P4HA1: variants seen among roughly 807,000 people sequenced by gnomAD.
P4HA1 encodes the protein prolyl 4-hydroxylase subunit alpha-1.
A neutral mutation model predicts 72.8 loss-of-function variants in P4HA1; 24 were observed. The ratio of observed to expected loss-of-function variants is 0.33; its 90% CI spans 0.24 to 0.46. The LOEUF is 0.46. Among genes scored for constraint, P4HA1 ranks in the 20% least tolerant of loss-of-function variants. The pLI, the probability that P4HA1 is intolerant of heterozygous loss-of-function variation, is 1.00. For synonymous variants in P4HA1, 201 were observed against 218.8 expected (o/e 0.92, Z 0.72); for missense variants, 446 against 640.6 (o/e 0.70, Z 3.28).
At chr10:73,094,863 A>G (rs1366457354) in intron 1 of P4HA1, among the ~76,000 whole-genome samples, 1 of 152,210 alleles carries the variant, frequency 6.6e-6, no homozygotes, top group Non-Finnish European at 1.5e-5. Context: ...TAAAAGTTGT[A>G]CACATTTTTC....
chr10:73,032,082 T>C (rs1447886815), intron 9 of P4HA1, among the ~76,000 whole-genome samples: 2 of 152,332 alleles, frequency 1.3e-5, no homozygotes, highest in East Asian at 3.9e-4. Context: ...GAATACCAAC[T>C]TCAAATGGGC....
At chr10:73,051,316 AAT>A (rs1174398934) in intron 6 of P4HA1, 67 bp from the exon 7 acceptor site, 1 of 803,326 alleles carries the variant, frequency 1.2e-6, no homozygotes, top group African/African-American at 1.7e-5. Context: ...AGAATATAGT[AAT>A]ATAAAAATAG....
At chr10:73,075,514 G>A (rs1477710844) in intron 1 of P4HA1, among the ~76,000 whole-genome samples, 3 of 152,058 alleles carry the variant, frequency 2.0e-5, no homozygotes, top group Admixed American at 2.0e-4. Flanking sequence ...TGAATAGTAG[G>A]TGGCTTTTTC....
intron 1 of P4HA1, among the ~76,000 whole-genome samples, chr10:73,086,748 C>T (rs1841930577): frequency 6.6e-6 from 1 of 151,982 alleles, no homozygotes; most frequent in Non-Finnish European, 1.5e-5. Context: ...ACCTGGCCAA[C>T]ATGGTGAAAC....
At chr10:73,021,116 G>A (rs892846089) in intron 10 of P4HA1, among the ~76,000 whole-genome samples, 4 of 151,888 alleles carry the variant, frequency 2.6e-5, no homozygotes, top group Non-Finnish European at 4.4e-5. Flanking sequence ...GCCTGGGCAA[G>A]AGAGTAAGAC....
chr10:73,013,854 TA>T (rs1343387687), intron 12 of P4HA1, among the ~76,000 whole-genome samples: 5 of 152,052 alleles, frequency 3.3e-5, no homozygotes, highest in Admixed American at 6.6e-5. Context: ...TATACTTCAA[TA>T]AAAAAATGTA....
At chr10:73,055,282 G>A (rs1405042296) in intron 5 of P4HA1, among the ~76,000 whole-genome samples, 1 of 152,180 alleles carries the variant, frequency 6.6e-6, no homozygotes, top group Admixed American at 6.5e-5. Context: ...TCAGCTCACT[G>A]CAATCTCCAT....
intron 1 of P4HA1, among the ~76,000 whole-genome samples, chr10:73,080,382 G>A (rs559490673): frequency 4.6e-5 from 7 of 152,244 alleles, no homozygotes; most frequent in Non-Finnish European, 8.8e-5. Context: ...AGGCAATGCT[G>A]ATAGTGCTGG....
Position 73,082,857 on chromosome 10 carries a change from G to C in P4HA1, c.-32-7942C>G, listed in dbSNP as rs1239039589. On this transcript the variant is annotated intron_variant, in intron 1 of 14. Transcript: ENST00000394890. ...CAGGCCATTATAATGTGCTTATGGT[G>C]TCTCACTTCTATTTATTCTACCTTC... Among the ~76,000 whole-genome samples, 2 of 54,244 alleles carry C rather than the reference G, an allele frequency of 3.7e-5. 1 individual carries two copies. Among genetic ancestry groups the C allele is most frequent in the Non-Finnish European group, 5.0e-5 (2 of 39,846 alleles). The allele number at this position is 54,244 out of a possible 152,430, so 35.6% of individuals were successfully genotyped here.
At chr10:73,044,042 G>A in intron 9 of P4HA1, 1 of 959,984 alleles carries the variant, frequency 1.0e-6, no homozygotes, top group Non-Finnish European at 1.7e-6. Flanking sequence ...CCAAGCCACA[G>A]GTGATTGGAA....
At chr10:73,074,937 G>A (rs1235361734) in intron 1 of P4HA1, 22 bp from the exon 2 acceptor site, 3 of 777,122 alleles carry the variant, frequency 3.9e-6, no homozygotes, top group Non-Finnish European at 6.6e-6. Context: ...AGAGAGAAAT[G>A]CAGCCATTAC....
intron 5 of P4HA1, among the ~76,000 whole-genome samples, chr10:73,067,671 C>A (rs927136000): frequency 1.3e-5 from 2 of 152,138 alleles, no homozygotes; most frequent in African/African-American, 4.8e-5. Context: ...TTTCCCACAC[C>A]CACTCCTGTC....
chr10:73,095,227 TAAAA>T (rs35159575), intron 1 of P4HA1, among the ~76,000 whole-genome samples: 838 of 67,312 alleles, frequency 0.012, 5 homozygotes, highest in South Asian at 0.043. Flanking sequence ...GCTCACAAGC[TAAAA>T]AAAAAAAAAA....
At chr10:73,093,469 T>C (rs955154656) in intron 1 of P4HA1, among the ~76,000 whole-genome samples, 1 of 152,124 alleles carries the variant, frequency 6.6e-6, no homozygotes, top group African/African-American at 2.4e-5. Flanking sequence ...GTACAATACT[T>C]ATTCAACTAG....
In P4HA1 at chr10:73,074,845, G is replaced by T; in HGVS notation, c.39C>A (p.Pro13=). 6.4e-7 allele frequency: 1 copy of T among 1,573,564 alleles called. No individual in the cohort carries two copies. Among genetic ancestry groups the T allele is most frequent in the South Asian group, 1.1e-5 (1 of 90,054 alleles). ...WYILIIGILL[P]QSLAHPGFFT... The stretch of plus-strand genomic sequence containing the variant: ...AAAAGCCTGGATGAGCCAAAGACTG[G>T]GGAAGCAGAATTCCTATAATTAATA... The change falls in exon 2 of 15, where the codon CCC becomes CCA. Residue 13 remains proline (P), a synonymous_variant. Transcript: ENST00000394890.
chr10:73,083,282 G>A (rs1411730128), intron 1 of P4HA1, among the ~76,000 whole-genome samples: 4 of 152,166 alleles, frequency 2.6e-5, no homozygotes, highest in Non-Finnish European at 5.9e-5. Flanking sequence ...CTTACAATCT[G>A]ATGGACAAAT....
At chr10:73,050,561 A>G (rs142813831) in intron 7 of P4HA1, among the ~76,000 whole-genome samples, 7,403 of 152,002 alleles carry the variant, frequency 0.049, 585 homozygotes, top group African/African-American at 0.16. Context: ...TTAGCCGGGT[A>G]TGGTGGCGGG....
At chr10:73,071,247 G>A (rs1000495501) in intron 4 of P4HA1, 2 of 151,528 alleles carry the variant, frequency 1.3e-5, no homozygotes, top group Admixed American at 1.3e-4. Flanking sequence ...ATAATCACAG[G>A]CATTTCCCTC....
intron 1 of P4HA1, among the ~76,000 whole-genome samples, chr10:73,079,283 C>A (rs191735986): frequency 4.7e-4 from 71 of 151,866 alleles, no homozygotes; most frequent in Non-Finnish European, 8.8e-4. Flanking sequence ...CAAGGAGACC[C>A]CAACTCTATA....
Sources: gnomAD v4.1 joint callset for allele counts (sites outside exome capture counted in the v4.1 genomes callset) on GRCh38, gnomAD v4.1.1 for gene constraint, MANE v1.5 for transcripts, NCBI Gene and HGNC (gene_info 2026-07-23, HGNC 2026-07-21) for gene names.